GRM7: variants seen among roughly 807,000 people sequenced by gnomAD.
The protein encoded by GRM7 is metabotropic glutamate receptor 7.
A neutral mutation model predicts 84.5 loss-of-function variants in GRM7; 35 were observed. The ratio of observed to expected loss-of-function variants is 0.41; its 90% confidence interval spans 0.32 to 0.55. The LOEUF is 0.55. GRM7 is among the 20% of genes least tolerant of loss of function. The pLI is 0.19. For synonymous variants in GRM7, 487 were observed against 455.1 expected (o/e 1.07, Z -0.89); for missense variants, 1,003 against 1,194.6 (o/e 0.84, Z 2.36).
intron 2 of GRM7, among the ~76,000 whole-genome samples, chr3:7,150,034 C>A (rs991064213): frequency 1.1e-4 from 17 of 151,454 alleles, no homozygotes; most frequent in African/African-American, 3.9e-4. Context: ...TTGCATTGTC[C>A]TATGTATGTA....
chr3:6,997,931 C>A (rs1236102475), intron 1 of GRM7, among the ~76,000 whole-genome samples: 1 of 151,590 alleles, frequency 6.6e-6, no homozygotes, highest in Non-Finnish European at 1.5e-5. Flanking sequence ...ACCATCCTGG[C>A]CAATATGGTG....
At chr3:7,354,452 TC>T (rs1693297982) in intron 4 of GRM7, among the ~76,000 whole-genome samples, 2 of 151,980 alleles carry the variant, frequency 1.3e-5, no homozygotes, top group Non-Finnish European at 2.9e-5. Context: ...GCTGGCAAAA[TC>T]CCCACATTGG....
At chr3:6,948,536 T>C (rs558178567) in intron 1 of GRM7, among the ~76,000 whole-genome samples, 3 of 152,276 alleles carry the variant, frequency 2.0e-5, no homozygotes, top group African/African-American at 7.2e-5. Flanking sequence ...ATTCTGTTGA[T>C]TTGGGGTGGA....
intron 2 of GRM7, among the ~76,000 whole-genome samples, chr3:7,184,161 A>G (rs1198665913): frequency 1.3e-5 from 2 of 152,204 alleles, no homozygotes; most frequent in Non-Finnish European, 2.9e-5. Context: ...GAGCTATTTT[A>G]TTAGGTACAT....
intron 2 of GRM7, among the ~76,000 whole-genome samples, chr3:7,246,046 A>T (rs1697747365): frequency 6.6e-6 from 1 of 152,186 alleles, no homozygotes; most frequent in African/African-American, 2.4e-5. Flanking sequence ...ATAGTTTGAA[A>T]AGCATAATAT....
At chr3:7,664,695 G>T (rs1442803707) in intron 8 of GRM7, among the ~76,000 whole-genome samples, 4 of 152,052 alleles carry the variant, frequency 2.6e-5, no homozygotes, top group Admixed American at 6.6e-5. Context: ...CATCTTATAT[G>T]TAAGCTAAAT....
chr3:7,635,805 C>A (rs1187655715), intron 8 of GRM7, among the ~76,000 whole-genome samples: 1 of 152,100 alleles, frequency 6.6e-6, no homozygotes, highest in Non-Finnish European at 1.5e-5. Flanking sequence ...TCCTGAGTAT[C>A]TGGGACTACA....
At chr3:7,552,961 G>A (rs560299982) in intron 7 of GRM7, among the ~76,000 whole-genome samples, 1 of 152,270 alleles carries the variant, frequency 6.6e-6, no homozygotes, top group East Asian at 1.9e-4. Flanking sequence ...TTGTAATCAG[G>A]CTGCAAATTT....
intron 1 of GRM7, among the ~76,000 whole-genome samples, chr3:7,113,862 C>T (rs1246751068): frequency 3.3e-5 from 5 of 152,034 alleles, no homozygotes; most frequent in African/African-American, 4.8e-5. Flanking sequence ...ATTTAGTTTG[C>T]GTCTGGTATA....
At chr3:7,046,997 A>G (rs374906806) in intron 1 of GRM7, among the ~76,000 whole-genome samples, 1 of 152,166 alleles carries the variant, frequency 6.6e-6, no homozygotes, top group African/African-American at 2.4e-5. Flanking sequence ...TATTTGTTAA[A>G]TACATTTGAG....
intron 1 of GRM7, among the ~76,000 whole-genome samples, chr3:6,889,350 A>G (rs889678459): frequency 3.9e-5 from 6 of 152,162 alleles, no homozygotes; most frequent in South Asian, 2.1e-4. Context: ...TCCATTCAGT[A>G]TGATATTGGC....
At chr3:6,945,547 G>A (rs1349606838) in intron 1 of GRM7, among the ~76,000 whole-genome samples, 7 of 152,046 alleles carry the variant, frequency 4.6e-5, no homozygotes, top group Non-Finnish European at 7.3e-5. Context: ...CTTTATAGCA[G>A]CATGATTTAT....
At chr3:7,544,670 C>T (rs908383797) in intron 7 of GRM7, among the ~76,000 whole-genome samples, 2 of 152,168 alleles carry the variant, frequency 1.3e-5, no homozygotes, top group African/African-American at 4.8e-5. Flanking sequence ...GGTTACTGTA[C>T]CTCTTTGAGT....
intron 2 of GRM7, among the ~76,000 whole-genome samples, chr3:7,148,988 A>C (rs1694194533): frequency 6.6e-6 from 1 of 152,132 alleles, no homozygotes; most frequent in Admixed American, 6.6e-5. Flanking sequence ...ATAAGTATTT[A>C]ATAAGTATTC....
chr3:7,727,884 G>A (rs1409987679), intron 9 of GRM7, among the ~76,000 whole-genome samples: 2 of 152,116 alleles, frequency 1.3e-5, no homozygotes, highest in Non-Finnish European at 2.9e-5. Context: ...GGACATTCTA[G>A]CCATCTTTAA....
intron 2 of GRM7, among the ~76,000 whole-genome samples, chr3:7,210,279 A>T (rs1200437643): frequency 6.6e-6 from 1 of 152,218 alleles, no homozygotes; most frequent in Non-Finnish European, 1.5e-5. Context: ...CTCAGTTCCC[A>T]TCTATTAGCT....
intron 1 of GRM7, among the ~76,000 whole-genome samples, chr3:6,985,744 A>G (rs1195762803): frequency 1.3e-5 from 2 of 152,222 alleles, no homozygotes; most frequent in Non-Finnish European, 2.9e-5. Context: ...ATACTGGCTG[A>G]AGCAGTTGGG....
At chr3:7,209,919 A>T (rs1478274049) in intron 2 of GRM7, among the ~76,000 whole-genome samples, 1 of 152,200 alleles carries the variant, frequency 6.6e-6, no homozygotes, top group Non-Finnish European at 1.5e-5. Context: ...TCTCAAGTAC[A>T]AGGGGAGAGG....
intron 5 of GRM7, among the ~76,000 whole-genome samples, chr3:7,416,721 A>G (rs1293200018): frequency 1.3e-5 from 2 of 152,166 alleles, no homozygotes; most frequent in African/African-American, 2.4e-5. Context: ...AGATCATGCT[A>G]TATAACAATA....
Sources: allele counts gnomAD v4.1 joint callset (sites outside exome capture counted in the v4.1 genomes callset), GRCh38; gene constraint gnomAD v4.1.1; transcripts MANE v1.5; gene names NCBI Gene and HGNC (gene_info 2026-07-23, HGNC 2026-07-21).